OTUD7A: variants seen among roughly 807,000 people sequenced by gnomAD.
The protein encoded by OTUD7A is OTU domain-containing protein 7A.
A neutral mutation model predicts 65.7 loss-of-function variants in OTUD7A; 12 were observed. The ratio of observed to expected loss-of-function variants is 0.18; its 90% CI spans 0.12 to 0.30. OTUD7A has a LOEUF of 0.30. Among genes scored for constraint, OTUD7A ranks in the 10% least tolerant of loss-of-function variants. OTUD7A has a pLI of 1.00. For missense variants in OTUD7A, 1,148 were observed against 1,304.8 expected (o/e 0.88, Z 1.85); for synonymous variants, 641 against 586.3 (o/e 1.09, Z -1.35).
chr15:31,502,742 C>T lies in OTUD7A; in HGVS notation c.1022-903G>A, dbSNP rs572610302. On this transcript the variant is annotated intron_variant, in intron 9 of 12. Coordinates refer to ENST00000307050, the MANE Select transcript of OTUD7A (RefSeq NM_001382637.1). The stretch of plus-strand genomic sequence containing the variant: ...CTGGGAGCTCAGTCCTGGGCTTACG[C>T]AGCAGTGCCCTGATGCAAGCCCTGG... 5.9e-5 allele frequency among the ~76,000 whole-genome samples: 9 copies of T among 152,316 alleles called. No homozygotes were observed. In the South Asian group the frequency reaches 1.2e-3, roughly 21 times the overall value.
intron 1 of OTUD7A, among the ~76,000 whole-genome samples, chr15:31,709,901 A>G (rs2141335680): frequency 6.6e-6 from 1 of 152,120 alleles, no homozygotes; most frequent in South Asian, 2.1e-4. Context: ...TAACTAAAGA[A>G]AACAAGTTGC....
intron 1 of OTUD7A, among the ~76,000 whole-genome samples, chr15:31,735,953 C>T (rs373790678): frequency 3.9e-4 from 59 of 152,168 alleles, no homozygotes; most frequent in South Asian, 1.9e-3. Context: ...AACAAACTAA[C>T]GCAGGAAAAG....
At chr15:31,539,665 C>T (rs1163777156) in intron 5 of OTUD7A, among the ~76,000 whole-genome samples, 1 of 152,056 alleles carries the variant, frequency 6.6e-6, no homozygotes, top group Non-Finnish European at 1.5e-5. Flanking sequence ...TAAGTTAGTG[C>T]TAATTTTCTA....
intron 3 of OTUD7A, among the ~76,000 whole-genome samples, chr15:31,617,856 G>A (rs2141231394): frequency 6.6e-6 from 1 of 152,102 alleles, no homozygotes; most frequent in East Asian, 1.9e-4. Flanking sequence ...GTATACATGT[G>A]CCATGTTGGT....
intron 3 of OTUD7A, among the ~76,000 whole-genome samples, chr15:31,630,183 T>C (rs1450430090): frequency 6.7e-6 from 1 of 149,078 alleles, no homozygotes; most frequent in Non-Finnish European, 1.5e-5. Flanking sequence ...ACTGTGACGT[T>C]AGGGTGTCGA....
At chr15:31,590,764 G>T (rs1049797795) in intron 3 of OTUD7A, among the ~76,000 whole-genome samples, 3 of 152,122 alleles carry the variant, frequency 2.0e-5, no homozygotes, top group African/African-American at 4.8e-5. Flanking sequence ...TGGTAAAAGC[G>T]TTTTCATGGC....
At chr15:31,600,308 T>G (rs1890036469) in intron 3 of OTUD7A, among the ~76,000 whole-genome samples, 1 of 151,934 alleles carries the variant, frequency 6.6e-6, no homozygotes, top group African/African-American at 2.4e-5. Flanking sequence ...CAGTGGATCT[T>G]TCTGCAGAAA....
intron 10 of OTUD7A, among the ~76,000 whole-genome samples, chr15:31,488,803 TCCCCTCTCCACC>T (rs2041276339): frequency 6.6e-6 from 1 of 152,058 alleles, no homozygotes; most frequent in Non-Finnish European, 1.5e-5. Flanking sequence ...TGCAAATAAT[TCCCCTCTCCACC>T]CCCGCACCTC....
rs1467392655 is a variant in OTUD7A, at chr15:31,860,609, C to A, written c.-100+9898G>T. ...TTCAAATGCTCAGTATTCTCCTCGA[C>A]CCCAGAAGTGGAGATATATATATAT... On this transcript the variant is annotated intron_variant, in intron 1 of 12. Coordinates refer to ENST00000307050, the MANE Select transcript of OTUD7A (RefSeq NM_001382637.1). 1.6e-4 allele frequency among the ~76,000 whole-genome samples: 13 copies of A among 82,636 alleles called. No individual in the cohort carries two copies. The Admixed American group carries it at 1.6e-3, about 10-fold the overall frequency. 54.2% of individuals were successfully genotyped at this position (82,636 alleles called of 152,430 possible).
At chr15:31,627,701 C>A (rs1330095682) in intron 3 of OTUD7A, among the ~76,000 whole-genome samples, 1 of 152,158 alleles carries the variant, frequency 6.6e-6, no homozygotes, top group East Asian at 1.9e-4. Flanking sequence ...GTTTACACTC[C>A]CACCAACAGT....
chr15:31,502,217 C>A (rs2041479422), intron 9 of OTUD7A, among the ~76,000 whole-genome samples: 1 of 152,204 alleles, frequency 6.6e-6, no homozygotes, highest in South Asian at 2.1e-4. Context: ...TGTATATTTG[C>A]TCTATGTTTT....
rs76992972 is a variant in OTUD7A, at chr15:31,503,399, T to C, written c.1021+292A>G. Among the ~76,000 whole-genome samples the C allele has an allele frequency of 6.6e-3, 1,007 of 152,350 alleles. 8 individuals carry two copies. The highest frequency in any genetic ancestry group is 0.023 in the African/African-American group (970 of 41,576). On this transcript the variant is annotated intron_variant, in intron 9 of 12. Coordinates refer to ENST00000307050, the MANE Select transcript of OTUD7A (RefSeq NM_001382637.1). ...CCAGGGCTGTTGGAGGGGTGTGGGC[T>C]GTCTGCTATGCCCTAGGCACACGAC...
chr15:31,743,281 T>C (rs561229366), intron 1 of OTUD7A, among the ~76,000 whole-genome samples: 1 of 152,052 alleles, frequency 6.6e-6, no homozygotes, highest in East Asian at 1.9e-4. Flanking sequence ...AAGGAATTAA[T>C]CTGGCAATCA....
At chr15:31,815,501 A>G (rs1896524981) in intron 1 of OTUD7A, among the ~76,000 whole-genome samples, 1 of 152,264 alleles carries the variant, frequency 6.6e-6, no homozygotes, top group African/African-American at 2.4e-5. Context: ...GCTCAAGGTC[A>G]CTTAGCTAAT....
chr15:31,619,250 C>A (rs1426175652), intron 3 of OTUD7A, among the ~76,000 whole-genome samples: 5 of 152,152 alleles, frequency 3.3e-5, no homozygotes, highest in African/African-American at 1.2e-4. Context: ...ATTGACTTGG[C>A]AATGCGGGCT....
intron 3 of OTUD7A, among the ~76,000 whole-genome samples, chr15:31,588,353 A>G (rs1354539482): frequency 6.6e-6 from 1 of 152,216 alleles, no homozygotes; most frequent in Admixed American, 6.5e-5. Flanking sequence ...AGGTGCAGAC[A>G]TGCATGGCAA....
chr15:31,486,918 G>A (rs1192645364), intron 12 of OTUD7A, among the ~76,000 whole-genome samples: 6 of 152,222 alleles, frequency 3.9e-5, no homozygotes, highest in Non-Finnish European at 7.3e-5. Context: ...AAGAGCGCAT[G>A]CTTGCATGCA....
intron 1 of OTUD7A, among the ~76,000 whole-genome samples, chr15:31,676,711 C>T (rs948804152): frequency 2.2e-4 from 33 of 152,188 alleles, no homozygotes; most frequent in Admixed American, 1.1e-3. Flanking sequence ...CTGAAAGCAT[C>T]GCTAACTGAC....
chr15:31,607,010 A>C (rs1331491156), intron 3 of OTUD7A, among the ~76,000 whole-genome samples: 1 of 152,216 alleles, frequency 6.6e-6, no homozygotes, highest in East Asian at 1.9e-4. Flanking sequence ...GTTTTACAAC[A>C]ATACTGACAC....
Sources: gnomAD v4.1 joint callset for allele counts (sites outside exome capture counted in the v4.1 genomes callset) on GRCh38, gnomAD v4.1.1 for gene constraint, MANE v1.5 for transcripts, NCBI Gene and HGNC (gene_info 2026-07-23, HGNC 2026-07-21) for gene names.